LINGO2: variants seen among roughly 807,000 people sequenced by gnomAD.
LINGO2 encodes leucine-rich repeat and immunoglobulin-like domain-containing nogo receptor-interacting protein 2.
Under a neutral mutation model 30.6 loss-of-function variants are expected in LINGO2, and 14 were observed. The ratio of observed to expected loss-of-function variants is 0.46; its 90% confidence interval spans 0.30 to 0.72. The LOEUF (loss-of-function observed/expected upper bound fraction) is 0.72, where lower values mean the gene tolerates loss of function less well. Ranked by LOEUF, LINGO2 falls within the 30% of genes least tolerant of loss-of-function variation. LINGO2 has a pLI of 0.07. For missense variants in LINGO2, 729 were observed against 751.7 expected (o/e 0.97, Z 0.35); for synonymous variants, 317 against 288.5 (o/e 1.10, Z -1.00).
At chr9:28,805,386 A>G in the LINGO2 span, among the ~76,000 whole-genome samples, 9 of 152,126 alleles carry the variant, frequency 5.9e-5, no homozygotes, top group African/African-American at 1.9e-4. Context: ...GTTGGGCAGA[A>G]GTTTGCTGCT....
chr9:29,127,155 C>T, the LINGO2 span, among the ~76,000 whole-genome samples: 1 of 152,102 alleles, frequency 6.6e-6, no homozygotes, highest in Non-Finnish European at 1.5e-5. Context: ...ATTTAAGCCC[C>T]AGAAAATTCT....
At chr9:29,104,365 C>G in the LINGO2 span, among the ~76,000 whole-genome samples, 6 of 152,056 alleles carry the variant, frequency 3.9e-5, no homozygotes, top group Non-Finnish European at 5.9e-5. Context: ...CTTTCACTCT[C>G]TCTCCTGCTC....
At chr9:28,088,761 A>G (rs1825987535) in intron 4 of LINGO2, among the ~76,000 whole-genome samples, 1 of 152,186 alleles carries the variant, frequency 6.6e-6, no homozygotes, top group Non-Finnish European at 1.5e-5. Flanking sequence ...TAAAAGACAC[A>G]GACTGACAAA....
chr9:28,249,893 A>G (rs1431986698), intron 4 of LINGO2, among the ~76,000 whole-genome samples: 1 of 152,182 alleles, frequency 6.6e-6, no homozygotes, highest in East Asian at 1.9e-4. Context: ...AGAAAGGGGA[A>G]CCATTTTTCC....
chr9:28,564,086 T>C (rs1823240673), intron 1 of LINGO2, among the ~76,000 whole-genome samples: 1 of 152,154 alleles, frequency 6.6e-6, no homozygotes, highest in Non-Finnish European at 1.5e-5. Context: ...TTCAGAACCT[T>C]ATTTTAGACA....
At chr9:28,736,523 G>A in the LINGO2 span, among the ~76,000 whole-genome samples, 1 of 152,134 alleles carries the variant, frequency 6.6e-6, no homozygotes, top group South Asian at 2.1e-4. Context: ...GGGCGTGGTG[G>A]GTCACGCCTA....
upstream of LINGO2, among the ~76,000 whole-genome samples, chr9:28,672,635 T>A (rs1331753700): frequency 6.6e-6 from 1 of 152,198 alleles, no homozygotes; most frequent in Non-Finnish European, 1.5e-5. Context: ...TTAAAGTGCT[T>A]TCTGAATGTC....
At chr9:28,729,227 C>T in the LINGO2 span, among the ~76,000 whole-genome samples, 3 of 151,892 alleles carry the variant, frequency 2.0e-5, no homozygotes, top group Admixed American at 6.6e-5. Context: ...GAAGAAAGAC[C>T]AGAAAAAAAT....
chr9:28,187,027 T>C (rs1564026825), intron 4 of LINGO2, among the ~76,000 whole-genome samples: 1 of 152,014 alleles, frequency 6.6e-6, no homozygotes, highest in Non-Finnish European at 1.5e-5. Context: ...TGGGGACAGA[T>C]TGAAGGAAAT....
rs1257758970 is a variant in LINGO2, at chr9:28,048,416, TAAAC to T, written c.-86-36015_-86-36012del. 2.4e-4 allele frequency among the ~76,000 whole-genome samples: 36 copies of T among 150,844 alleles called. 2 individuals carry two copies. The highest frequency in any genetic ancestry group is 6.8e-4 in the African/African-American group (28 of 40,890). ...AACATCAAAATTACATAAATATTAA[TAAAC>T]AAATACCGAGGAAACACTATCCCAA... On this transcript the variant is annotated intron_variant, in intron 4 of 5. Coordinates refer to ENST00000379992, the Ensembl canonical transcript of LINGO2.
chr9:28,356,278 G>A (rs1413955870), intron 3 of LINGO2, among the ~76,000 whole-genome samples: 1 of 151,984 alleles, frequency 6.6e-6, no homozygotes, highest in Non-Finnish European at 1.5e-5. Context: ...TTCCAAGCAG[G>A]TATATTTCTC....
At chr9:28,880,185 T>C in the LINGO2 span, among the ~76,000 whole-genome samples, 11 of 152,202 alleles carry the variant, frequency 7.2e-5, no homozygotes, top group Admixed American at 2.0e-4. Flanking sequence ...CTTTGTTCAC[T>C]GCAACCTCCG....
the LINGO2 span, among the ~76,000 whole-genome samples, chr9:28,793,652 A>C: frequency 3.9e-5 from 6 of 152,226 alleles, no homozygotes; most frequent in African/African-American, 1.4e-4. Flanking sequence ...TTCATTAGCC[A>C]AAGTAGTAGA....
the LINGO2 span, among the ~76,000 whole-genome samples, chr9:29,059,917 A>T: frequency 1.3e-5 from 2 of 152,118 alleles, no homozygotes; most frequent in Non-Finnish European, 2.9e-5. Context: ...AAATAAAAAG[A>T]TGTGCCACAG....
At chr9:28,442,231 A>G (rs989408807) in intron 2 of LINGO2, among the ~76,000 whole-genome samples, 5 of 152,106 alleles carry the variant, frequency 3.3e-5, no homozygotes, top group African/African-American at 1.2e-4. Context: ...TAAAAAATAC[A>G]TAGCAGAAAA....
chr9:28,055,679 A>C (rs1050415780), intron 4 of LINGO2, among the ~76,000 whole-genome samples: 2 of 152,188 alleles, frequency 1.3e-5, no homozygotes, highest in African/African-American at 2.4e-5. Context: ...GTCAAAAAAC[A>C]AAATGCTTCT....
At chr9:28,878,641 G>T in the LINGO2 span, among the ~76,000 whole-genome samples, 5,588 of 152,132 alleles carry the variant, frequency 0.037, 332 homozygotes, top group African/African-American at 0.12. Flanking sequence ...TTATCCACCA[G>T]GATCAAGTGG....
intron 4 of LINGO2, among the ~76,000 whole-genome samples, chr9:28,120,083 C>T (rs761068856): frequency 6.6e-6 from 1 of 152,096 alleles, no homozygotes; most frequent in Non-Finnish European, 1.5e-5. Flanking sequence ...GGTAATACGG[C>T]AACTTAACAA....
At chr9:28,645,635 G>A (rs1827803120) in intron 1 of LINGO2, among the ~76,000 whole-genome samples, 1 of 151,644 alleles carries the variant, frequency 6.6e-6, no homozygotes, top group African/African-American at 2.4e-5. Flanking sequence ...TGAGGGGACT[G>A]GTGACTAGAA....
Sources: gnomAD v4.1 joint callset for allele counts (sites outside exome capture counted in the v4.1 genomes callset) on GRCh38, gnomAD v4.1.1 for gene constraint, MANE v1.5 for transcripts, NCBI Gene and HGNC (gene_info 2026-07-23, HGNC 2026-07-21) for gene names.